Variants in RFX3 observed in about 807,000 individuals in gnomAD.
RFX3 encodes the protein transcription factor RFX3.
Under a neutral mutation model 98.6 loss-of-function variants are expected in RFX3, and 14 were observed. That is an observed-to-expected ratio of 0.14 (90% CI 0.09 to 0.22). The LOEUF is 0.22. Among genes scored for constraint, RFX3 ranks in the 10% least tolerant of loss-of-function variants. RFX3 has a pLI of 1.00. For missense variants in RFX3, 639 were observed against 926.9 expected, an observed-to-expected ratio of 0.69 and a Z score of 4.03; for synonymous variants, 383 against 328.4, an observed-to-expected ratio of 1.17 and a Z score of -1.80.
At chr9:3,410,193 G>GTGTGTGTGTGTGTGTGTA in intron 1 of RFX3, among the ~76,000 whole-genome samples, 1 of 151,304 alleles carries the variant, frequency 6.6e-6, no homozygotes, top group Non-Finnish European at 1.5e-5. Flanking sequence ...GTGTGTGTGT[G>GTGTGTGTGTGTGTGTGTA]TGTGTGTGTG....
chr9:3,487,515 T>G (rs185216265), intron 1 of RFX3, among the ~76,000 whole-genome samples: 1 of 151,952 alleles, frequency 6.6e-6, no homozygotes, highest in Non-Finnish European at 1.5e-5. Context: ...CTGCCAAGAG[T>G]GTAATTCTTA....
At chr9:3,371,835 G>A (rs1012249708) in intron 2 of RFX3, among the ~76,000 whole-genome samples, 1 of 152,154 alleles carries the variant, frequency 6.6e-6, no homozygotes, top group African/African-American at 2.4e-5. Context: ...TTTGCCCATT[G>A]AGAAAAGGAT....
intron 1 of RFX3, among the ~76,000 whole-genome samples, chr9:3,507,534 A>T (rs376961346): frequency 1.3e-5 from 2 of 151,908 alleles, no homozygotes; most frequent in African/African-American, 4.8e-5. Context: ...TCGAATTCAC[A>T]CCCAGGGCTG....
intron 1 of RFX3, among the ~76,000 whole-genome samples, chr9:3,477,013 C>A (rs1016731890): frequency 2.3e-4 from 35 of 152,140 alleles, no homozygotes; most frequent in African/African-American, 8.4e-4. Context: ...TGATGTAATA[C>A]ATATATGTCA....
intron 2 of RFX3, among the ~76,000 whole-genome samples, chr9:3,390,301 AAG>A (rs1306297660): frequency 4.6e-5 from 7 of 152,196 alleles, no homozygotes; most frequent in Admixed American, 4.6e-4. Flanking sequence ...CAAAGTGTAA[AAG>A]ATACCCAAAA....
intron 15 of RFX3, among the ~76,000 whole-genome samples, chr9:3,230,190 T>C (rs190732300): frequency 1.3e-5 from 2 of 152,318 alleles, no homozygotes; most frequent in Non-Finnish European, 2.9e-5. Flanking sequence ...TTCACCTTTA[T>C]TTCTTAGCAT....
chr9:3,440,194 A>G (rs145095748), intron 1 of RFX3, among the ~76,000 whole-genome samples: 20 of 152,190 alleles, frequency 1.3e-4, no homozygotes, highest in Admixed American at 2.6e-4. Context: ...ATGATCGGGA[A>G]CAAGACAGAG....
At position 3,453,737 on chromosome 9, in the gene RFX3, T is replaced by C. The variant is rs550466659; in HGVS notation, c.-8-58141A>G. The C allele has an allele frequency of 3.0e-3, 457 of 152,152 alleles. 2 individuals are homozygous for C. The highest frequency in any genetic ancestry group is 0.011 in the South Asian group (54 of 5,134). The allele number at this position is 152,152 out of a possible 1,614,324, so 9.4% of individuals were successfully genotyped here. On this transcript the variant is annotated intron_variant, in intron 1 of 16. Transcript: ENST00000617270. ...AAAAAAAAAAAAAAAAAAGAGTAAT[T>C]CTAATGAACAATAAAGCAACAAAAA... is the stretch of plus-strand genomic sequence containing the variant.
intron 9 of RFX3, among the ~76,000 whole-genome samples, chr9:3,271,324 T>C (rs1824405257): frequency 6.6e-6 from 1 of 151,708 alleles, no homozygotes; most frequent in Non-Finnish European, 1.5e-5. Flanking sequence ...AGGGGAAAAT[T>C]CTTGGAAGAT....
chr9:3,255,448 C>T (rs548016900), intron 14 of RFX3, among the ~76,000 whole-genome samples: 1 of 152,304 alleles, frequency 6.6e-6, no homozygotes, highest in South Asian at 2.1e-4. Flanking sequence ...GGTGTATGTC[C>T]TGTGGCCACC....
chr9:3,377,758 G>T (rs1297312818), intron 2 of RFX3, among the ~76,000 whole-genome samples: 1 of 152,120 alleles, frequency 6.6e-6, no homozygotes, highest in East Asian at 1.9e-4. Context: ...TTGGGGTAAT[G>T]AAAATGTTCT....
intron 4 of RFX3, among the ~76,000 whole-genome samples, chr9:3,320,795 A>ATATATATATG (rs1831202995): frequency 7.4e-6 from 1 of 135,196 alleles, no homozygotes; most frequent in Non-Finnish European, 1.5e-5. Context: ...ATATATATAT[A>ATATATATATG]TATATATATA....
chr9:3,331,511 G>A (rs753043821), intron 3 of RFX3, among the ~76,000 whole-genome samples: 3 of 151,858 alleles, frequency 2.0e-5, no homozygotes, highest in African/African-American at 7.3e-5. Flanking sequence ...TATCTTCAAC[G>A]CCACCTCCTA....
At chr9:3,506,673 G>C (rs1282006621) in intron 1 of RFX3, among the ~76,000 whole-genome samples, 1 of 151,600 alleles carries the variant, frequency 6.6e-6, no homozygotes, top group Non-Finnish European at 1.5e-5. Context: ...TCTATATATA[G>C]ATATATGAGT....
At chr9:3,451,511 T>C (rs1846635077) in intron 1 of RFX3, among the ~76,000 whole-genome samples, 3 of 152,154 alleles carry the variant, frequency 2.0e-5, no homozygotes, top group African/African-American at 7.2e-5. Flanking sequence ...GCCACTGCAC[T>C]CCAGCCTGGG....
At chr9:3,417,988 A>C (rs1285254127) in intron 1 of RFX3, among the ~76,000 whole-genome samples, 1 of 152,236 alleles carries the variant, frequency 6.6e-6, no homozygotes, top group East Asian at 1.9e-4. Context: ...TATAGATTCT[A>C]CAAAATAGAT....
intron 1 of RFX3, among the ~76,000 whole-genome samples, chr9:3,462,290 G>T (rs895762916): frequency 2.6e-5 from 4 of 151,936 alleles, no homozygotes; most frequent in Middle Eastern, 3.2e-3. Flanking sequence ...TATCAATCAG[G>T]ATATTTCACC....
At chr9:3,368,737 C>A (rs972914005) in intron 2 of RFX3, among the ~76,000 whole-genome samples, 2 of 152,190 alleles carry the variant, frequency 1.3e-5, no homozygotes, top group South Asian at 4.1e-4. Context: ...ATCTATCACC[C>A]ACCTGCCTGG....
intron 1 of RFX3, among the ~76,000 whole-genome samples, chr9:3,439,412 A>C (rs145253679): frequency 0.011 from 1,652 of 152,076 alleles, 27 homozygotes; most frequent in African/African-American, 0.038. Flanking sequence ...AAACTGATAA[A>C]CCTCTAGACA....
Sources: allele counts gnomAD v4.1 joint callset (sites outside exome capture counted in the v4.1 genomes callset), GRCh38; gene constraint gnomAD v4.1.1; transcripts MANE v1.5; gene names NCBI Gene and HGNC (gene_info 2026-07-23, HGNC 2026-07-21).